The following ATXN1 variants were observed in gnomAD, a reference collection of about 807,000 sequenced individuals.
The protein encoded by ATXN1 is ataxin-1.
A neutral mutation model predicts 56.4 loss-of-function variants in ATXN1; 8 were observed. The observed-to-expected ratio is 0.14, with a 90% confidence interval of 0.08 to 0.26. ATXN1 has a LOEUF of 0.26. Ranked by LOEUF, ATXN1 falls within the 10% of genes least tolerant of loss-of-function variation. The pLI is 1.00. For missense variants in ATXN1, 987 were observed against 1,106.5 expected (o/e 0.89, Z 1.53); for synonymous variants, 514 against 494.6 (o/e 1.04, Z -0.52).
chr6:16,460,827 C>A (rs181124186), intron 6 of ATXN1, among the ~76,000 whole-genome samples: 2 of 152,180 alleles, frequency 1.3e-5, no homozygotes. Flanking sequence ...TCTCTTCCCC[C>A]CACGGACCAG....
intron 3 of ATXN1, chr6:16,614,917 C>G (rs538953873): frequency 6.7e-6 from 1 of 149,422 alleles, no homozygotes; most frequent in East Asian, 1.9e-4. Context: ...AGAGCAAGAC[C>G]CTGTCTTGAT....
chr6:16,628,585 A>C (rs538067200), intron 3 of ATXN1, among the ~76,000 whole-genome samples: 69 of 152,116 alleles, frequency 4.5e-4, no homozygotes, highest in Admixed American at 2.2e-3. Flanking sequence ...CTAGTACCCA[A>C]TAATTGTTTT....
At chr6:16,308,639 TCA>T (rs1760315641) in intron 7 of ATXN1, among the ~76,000 whole-genome samples, 1 of 152,154 alleles carries the variant, frequency 6.6e-6, no homozygotes, top group Admixed American at 6.5e-5. Flanking sequence ...AACAGGCCTT[TCA>T]AGGTCTGAAG....
At chr6:16,371,232 T>C (rs1469757179) in intron 6 of ATXN1, among the ~76,000 whole-genome samples, 1 of 152,162 alleles carries the variant, frequency 6.6e-6, no homozygotes, top group Admixed American at 6.5e-5. Context: ...AATATTTTGT[T>C]AATTAAAAAT....
intron 7 of ATXN1, among the ~76,000 whole-genome samples, chr6:16,317,825 C>T (rs1220356285): frequency 6.6e-6 from 1 of 152,152 alleles, no homozygotes; most frequent in African/African-American, 2.4e-5. Context: ...CTCCATCCAT[C>T]CCCCTAAATC....
At chr6:16,378,098 G>C (rs1762179426) in intron 6 of ATXN1, among the ~76,000 whole-genome samples, 1 of 152,186 alleles carries the variant, frequency 6.6e-6, no homozygotes, top group Non-Finnish European at 1.5e-5. Flanking sequence ...CTGTGTGCAG[G>C]TACTCAGGCC....
At chr6:16,551,197 G>A (rs1007346614) in intron 4 of ATXN1, among the ~76,000 whole-genome samples, 2 of 152,170 alleles carry the variant, frequency 1.3e-5, no homozygotes, top group East Asian at 1.9e-4. Context: ...TTTGCAGAAC[G>A]GATCCCAGCG....
At chr6:16,435,154 G>C (rs541590032) in intron 6 of ATXN1, among the ~76,000 whole-genome samples, 3 of 152,146 alleles carry the variant, frequency 2.0e-5, no homozygotes, top group Non-Finnish European at 4.4e-5. Context: ...GGGTAGATGA[G>C]GTTTGGTGGG....
rs200261208 is a variant in ATXN1 at position 16,466,317 on chromosome 6, C to CAAAA, written c.-161+19651_-161+19654dup. Among the ~76,000 whole-genome samples, 314 of 79,822 alleles carry CAAAA rather than the reference C, an allele frequency of 3.9e-3. 12 individuals are homozygous for CAAAA. The highest frequency in any genetic ancestry group is 0.012 in the African/African-American group (244 of 20,136). 52.4% of individuals were successfully genotyped at this position (79,822 alleles called of 152,430 possible). A position where few individuals can be genotyped will look rare whatever the true frequency, so the allele number is the denominator to read the frequency against. On this transcript the variant is annotated intron_variant, in intron 6 of 7. Transcript: ENST00000436367. ...TGGGTGACAGAGTCAGACCCCATCTCAAAAAAAAAAAAAAAAAAAAAAAAA... is the reference window on the plus strand; with the variant it reads ...TGGGTGACAGAGTCAGACCCCATCTCAAAAAAAAAAAAAAAAAAAAAAAAAAAAA...
intron 6 of ATXN1, among the ~76,000 whole-genome samples, chr6:16,436,849 A>G (rs1373986130): frequency 6.6e-6 from 1 of 152,204 alleles, no homozygotes. Flanking sequence ...TCACCAGTTC[A>G]TGCTGGCTGT....
chr6:16,311,881 T>G lies in ATXN1; in HGVS notation c.1918-5022A>C, dbSNP rs1025861240. On this transcript the variant is annotated intron_variant, in intron 7 of 7. Coordinates refer to ENST00000436367, the MANE Select transcript of ATXN1 (RefSeq NM_001128164.2). ...CTCTCTACCAGAGTTGCGGTTTGCT[T>G]ATTCTTGCCCAACACCAGGCAGAGG... is the stretch of plus-strand genomic sequence containing the variant. Among the ~76,000 whole-genome samples, 6 of 152,208 alleles carry G rather than the reference T, an allele frequency of 3.9e-5. No homozygotes were observed. The South Asian group carries it at 1.2e-3, about 32-fold the overall frequency.
At chr6:16,694,643 G>A (rs578177451) in intron 2 of ATXN1, among the ~76,000 whole-genome samples, 29 of 152,260 alleles carry the variant, frequency 1.9e-4, no homozygotes, top group African/African-American at 6.0e-4. Flanking sequence ...GGAAACACAC[G>A]TCAGCCTTAA....
At chr6:16,679,973 T>C (rs1758780300) in intron 2 of ATXN1, among the ~76,000 whole-genome samples, 1 of 152,210 alleles carries the variant, frequency 6.6e-6, no homozygotes. Flanking sequence ...AAGATAAATA[T>C]TTAATGTGAT....
chr6:16,439,872 C>T lies in ATXN1; in HGVS notation c.-161+46100G>A, dbSNP rs541449946. ...GGCAGATCATCTGAGGTCGGAAGTT[C>T]GAGACCAGCCTGGGCAACATGGTGA... On this transcript the variant is annotated intron_variant, in intron 6 of 7. Coordinates refer to ENST00000436367, the MANE Select transcript of ATXN1 (RefSeq NM_001128164.2). Among the ~76,000 whole-genome samples the T allele has an allele frequency of 2.6e-5, 4 of 151,642 alleles. No homozygotes were observed. In the East Asian group the frequency reaches 5.8e-4, roughly 22 times the overall value.
intron 7 of ATXN1, among the ~76,000 whole-genome samples, chr6:16,309,240 A>AT (rs60352927): frequency 0.045 from 6,746 of 149,002 alleles, 342 homozygotes; most frequent in East Asian, 0.16. Flanking sequence ...AAAAAAAAAA[A>AT]AATAAATAAT....
At chr6:16,622,013 AATTCAGGC>A (rs1369519506) in intron 3 of ATXN1, among the ~76,000 whole-genome samples, 1 of 152,184 alleles carries the variant, frequency 6.6e-6, no homozygotes, top group Non-Finnish European at 1.5e-5. Context: ...TTGTTGGGCT[AATTCAGGC>A]ATTCATTCAC....
chr6:16,740,884 T>G (rs566106642), intron 2 of ATXN1, among the ~76,000 whole-genome samples: 2 of 152,302 alleles, frequency 1.3e-5, no homozygotes, highest in African/African-American at 2.4e-5. Context: ...AACTGGGAAT[T>G]GCACATACCC....
At chr6:16,529,905 A>G (rs1761469846) in intron 4 of ATXN1, among the ~76,000 whole-genome samples, 1 of 152,222 alleles carries the variant, frequency 6.6e-6, no homozygotes, top group Non-Finnish European at 1.5e-5. Flanking sequence ...ATCTCTGTGT[A>G]GCAGACATTC....
intron 2 of ATXN1, among the ~76,000 whole-genome samples, chr6:16,732,817 A>G (rs1760021194): frequency 6.6e-6 from 1 of 152,238 alleles, no homozygotes; most frequent in Non-Finnish European, 1.5e-5. Context: ...TTCTTTTGAA[A>G]TCTTTTTAGC....
Sources: allele counts gnomAD v4.1 joint callset (sites outside exome capture counted in the v4.1 genomes callset), GRCh38; gene constraint gnomAD v4.1.1; transcripts MANE v1.5; gene names NCBI Gene and HGNC (gene_info 2026-07-23, HGNC 2026-07-21).